The following MAEL variants were observed in gnomAD, a reference collection of about 807,000 sequenced individuals.
MAEL encodes protein maelstrom homolog.
A neutral mutation model predicts 62.0 loss-of-function variants in MAEL; 46 were observed. That is an observed-to-expected ratio of 0.74 (90% CI 0.59 to 0.95). The LOEUF is 0.95. Ranked by LOEUF, MAEL falls within the 40% of genes least tolerant of loss-of-function variation. The pLI is 0.00. For synonymous variants in MAEL, 172 were observed against 175.5 expected (o/e 0.98, Z 0.16); for missense variants, 497 against 526.8 (o/e 0.94, Z 0.55).
At chr1:166,995,931 G>A (rs996267119) in intron 5 of MAEL, among the ~76,000 whole-genome samples, 4 of 152,156 alleles carry the variant, frequency 2.6e-5, no homozygotes, top group African/African-American at 9.6e-5. Context: ...CAGAAAGCAT[G>A]GTTCTTTAAA....
At chr1:166,981,133 A>G (rs1279432143) in intron 1 of MAEL, among the ~76,000 whole-genome samples, 3 of 152,198 alleles carry the variant, frequency 2.0e-5, no homozygotes, top group Non-Finnish European at 4.4e-5. Context: ...TTTAAAGACC[A>G]GGGTTAGAAA....
intron 10 of MAEL, among the ~76,000 whole-genome samples, chr1:167,020,410 C>T (rs992052683): frequency 7.9e-5 from 12 of 152,278 alleles, no homozygotes; most frequent in African/African-American, 2.4e-4. Flanking sequence ...GGAACTACCA[C>T]GCTGACCGAT....
At chr1:167,005,425 C>G (rs1288679698) in intron 8 of MAEL, 28 bp downstream of exon 8, 1 of 1,567,606 alleles carries the variant, frequency 6.4e-7, no homozygotes, top group Non-Finnish European at 8.6e-7. Flanking sequence ...GTTTTAGAGT[C>G]ATTTTGACTT....
chr1:166,979,300 T>G (rs936096874), intron 1 of MAEL, among the ~76,000 whole-genome samples: 1 of 152,106 alleles, frequency 6.6e-6, no homozygotes, highest in African/African-American at 2.4e-5. Context: ...CTTGCTACCT[T>G]TTGGGTTTGT....
intron 1 of MAEL, among the ~76,000 whole-genome samples, chr1:166,981,878 G>C (rs1663769485): frequency 6.6e-6 from 1 of 152,210 alleles, no homozygotes; most frequent in Non-Finnish European, 1.5e-5. Flanking sequence ...TACCATCCAT[G>C]AGAATTTCTA....
At chr1:166,977,598 A>ATG (rs984620239) in intron 1 of MAEL, among the ~76,000 whole-genome samples, 4 of 152,214 alleles carry the variant, frequency 2.6e-5, no homozygotes, top group African/African-American at 9.7e-5. Flanking sequence ...TACTGCATCT[A>ATG]TGTGTGTGTG....
chr1:167,020,328 TACTA>T (rs1027471214), intron 10 of MAEL, among the ~76,000 whole-genome samples: 1 of 152,104 alleles, frequency 6.6e-6, no homozygotes, highest in Admixed American at 6.6e-5. Flanking sequence ...ACTTGACAGA[TACTA>T]ACCCTGATTA....
chr1:167,004,361 A>G, intron 6 of MAEL, 57 bp downstream of exon 6: 1 of 1,486,414 alleles, frequency 6.7e-7, no homozygotes, highest in Non-Finnish European at 9.0e-7. Context: ...CAAAAGATCC[A>G]TAAAACAAAG....
intron 8 of MAEL, among the ~76,000 whole-genome samples, chr1:167,013,173 C>T (rs1209785078): frequency 6.6e-6 from 1 of 152,184 alleles, no homozygotes; most frequent in Admixed American, 6.5e-5. Flanking sequence ...CCTGCTAGAG[C>T]TCAGTGAAGC....
chr1:166,987,021 A>G (rs918622314), upstream of MAEL, among the ~76,000 whole-genome samples: 2 of 150,586 alleles, frequency 1.3e-5, no homozygotes, highest in South Asian at 2.1e-4. Context: ...TTTTATGCCA[A>G]TGTTTTTTAA....
chr1:167,003,566 C>T (rs1664766268), intron 5 of MAEL, among the ~76,000 whole-genome samples: 1 of 152,220 alleles, frequency 6.6e-6, no homozygotes, highest in African/African-American at 2.4e-5. Flanking sequence ...TCTATTCAGT[C>T]ATTCAGCTTC....
At position 167,004,245 on chromosome 1, in the gene MAEL, C is replaced by T; in HGVS notation, c.589C>T (p.Gln197Ter). The T allele has an allele frequency of 2.5e-6, 4 of 1,609,114 alleles. No homozygotes were observed. The highest frequency in any genetic ancestry group is 2.5e-6 in the Non-Finnish European group (3 of 1,177,624). The change falls in exon 6 of 12, where the codon CAA becomes TAA. Residue 197 changes from glutamine to a stop codon, truncating the protein, a stop_gained. Transcript: ENST00000367872. LOFTEE classifies it high-confidence loss of function. ...ERGHNQATVL[Q>*]NLYRFIHPNP... is the part of the protein sequence containing the mutation. ...TGGGCATAACCAAGCAACTGTGTTA[C>T]AAAACCTTTATAGATTTATTCATCC...
At position 167,005,000 on chromosome 1, in the gene MAEL, G is replaced by A. The variant is rs772391289; in HGVS notation, c.649-76G>A. 861 of 1,405,946 alleles carry A rather than the reference G, an allele frequency of 6.1e-4. 1 individual carries two copies. The highest frequency in any genetic ancestry group is 8.0e-4 in the Non-Finnish European group (813 of 1,011,392). 87.1% of individuals were successfully genotyped at this position (1,405,946 alleles called of 1,614,324 possible). A position where few individuals can be genotyped will look rare whatever the true frequency, so the allele number is the denominator to read the frequency against. On this transcript the variant is annotated intron_variant, in intron 6 of 11. Coordinates refer to ENST00000367872, the MANE Select transcript of MAEL (RefSeq NM_032858.3). ...CCAACCCCCACATTTTGAAAGGACA[G>A]CATTAGAAGTCATTCAAAGTAGGAG...
chr1:167,021,725 G>A lies in MAEL; in HGVS notation c.1175G>A (p.Gly392Glu). The change falls in exon 12 of 12, where the codon GGA becomes GAA. Residue 392 changes from glycine to glutamate, a missense_variant. Physicochemically the swap from Gly to Glu is moderately conservative, Grantham distance 98. Coordinates refer to ENST00000367872, the MANE Select transcript of MAEL (RefSeq NM_032858.3). ...CAAAACAGCAGCGTTCGGGGAAGAG[G>A]AATTACCCGCTTACTAGAGAGCATT... The part of the protein sequence containing the change: ...SGQNSSVRGR[G>E]ITRLLESISN... The A allele has an allele frequency of 6.2e-7, 1 of 1,613,166 alleles. No homozygotes were observed. Among genetic ancestry groups the A allele is most frequent in the East Asian group, 2.2e-5 (1 of 44,838 alleles).
At chr1:167,008,254 C>T (rs1467523889) in intron 8 of MAEL, among the ~76,000 whole-genome samples, 3 of 152,028 alleles carry the variant, frequency 2.0e-5, no homozygotes, top group Admixed American at 6.6e-5. Context: ...CTGGGACTGG[C>T]GCATTTTTGT....
At chr1:167,002,601 A>T (rs1664724344) in intron 5 of MAEL, among the ~76,000 whole-genome samples, 1 of 152,200 alleles carries the variant, frequency 6.6e-6, no homozygotes, top group Non-Finnish European at 1.5e-5. Context: ...GATTACCCTA[A>T]TGCATTTTCA....
chr1:166,999,748 G>C (rs12564877), intron 5 of MAEL, among the ~76,000 whole-genome samples: 21,472 of 152,188 alleles, frequency 0.14, 1,601 homozygotes, highest in East Asian at 0.24. Context: ...TCACAGGACA[G>C]ACTGATTCTC....
intron 5 of MAEL, among the ~76,000 whole-genome samples, chr1:166,998,973 A>G (rs934206386): frequency 2.0e-5 from 3 of 152,122 alleles, no homozygotes; most frequent in African/African-American, 7.2e-5. Flanking sequence ...AAGATGGCAA[A>G]TTTAATTAAT....
chr1:166,992,842 G>T lies in MAEL; in HGVS notation c.481+1G>T, dbSNP rs1369545610. The T allele has an allele frequency of 6.3e-6, 10 of 1,585,492 alleles. No homozygotes were observed. The highest frequency in any genetic ancestry group is 8.5e-6 in the Non-Finnish European group (10 of 1,171,128). ...GATTTCCACAGTTTTATAAATCCTG[G>T]TAAGTAGTCAGAGTAGATGCTAGAT... On this transcript the variant is annotated splice_donor_variant, in intron 4 of 11. Coordinates refer to ENST00000367872, the MANE Select transcript of MAEL (RefSeq NM_032858.3). LOFTEE classifies it high-confidence loss of function.
Sources: gnomAD v4.1 joint callset for allele counts (sites outside exome capture counted in the v4.1 genomes callset) on GRCh38, gnomAD v4.1.1 for gene constraint, MANE v1.5 for transcripts, NCBI Gene and HGNC (gene_info 2026-07-23, HGNC 2026-07-21) for gene names.